Variants in LINGO2 observed in about 807,000 individuals in gnomAD.
LINGO2 encodes the protein leucine-rich repeat and immunoglobulin-like domain-containing nogo receptor-interacting protein 2.
LINGO2 carries 14 observed loss-of-function variants against 30.6 expected under a neutral mutation model. The ratio of observed to expected loss-of-function variants is 0.46; its 90% confidence interval spans 0.30 to 0.72. The LOEUF is 0.72. Among genes scored for constraint, LINGO2 ranks in the 30% least tolerant of loss-of-function variants. The probability of loss-of-function intolerance (pLI) is 0.07; values close to 1 mark genes in which losing one functional copy is unlikely to be tolerated. For synonymous variants in LINGO2, 317 were observed against 288.5 expected (o/e 1.10, Z -1.00); for missense variants, 729 against 751.7 (o/e 0.97, Z 0.35).
intron 5 of LINGO2, among the ~76,000 whole-genome samples, chr9:28,001,517 T>C (rs536326085): frequency 1.1e-3 from 157 of 144,516 alleles, no homozygotes; most frequent in Non-Finnish European, 1.9e-3. Flanking sequence ...CCCAATCTTC[T>C]GCGCCTGTGT....
At chr9:28,767,957 A>C in the LINGO2 span, among the ~76,000 whole-genome samples, 1 of 152,226 alleles carries the variant, frequency 6.6e-6, no homozygotes, top group African/African-American at 2.4e-5. Context: ...GGAGGCATAA[A>C]ATATTTAGTT....
At chr9:28,487,187 AT>A (rs1826204424) in intron 1 of LINGO2, among the ~76,000 whole-genome samples, 1 of 152,138 alleles carries the variant, frequency 6.6e-6, no homozygotes. Context: ...GCTTCTTTTC[AT>A]CCTCTGTACC....
intron 2 of LINGO2, among the ~76,000 whole-genome samples, chr9:28,412,969 A>G (rs1822827605): frequency 6.6e-6 from 1 of 152,080 alleles, no homozygotes; most frequent in Non-Finnish European, 1.5e-5. Flanking sequence ...AAGGGTAAAG[A>G]TCTTCATGAT....
chr9:28,493,681 T>C (rs1167329633), intron 1 of LINGO2, among the ~76,000 whole-genome samples: 2 of 152,192 alleles, frequency 1.3e-5, no homozygotes, highest in African/African-American at 4.8e-5. Context: ...ATTTTGTCCC[T>C]AGGTGTTGTC....
At chr9:28,973,228 G>A in the LINGO2 span, among the ~76,000 whole-genome samples, 7 of 152,028 alleles carry the variant, frequency 4.6e-5, no homozygotes, top group African/African-American at 1.7e-4. Context: ...CTACCTCAAG[G>A]CATTTAATAA....
chr9:28,033,974 G>A (rs1823808291), intron 4 of LINGO2, among the ~76,000 whole-genome samples: 1 of 152,170 alleles, frequency 6.6e-6, no homozygotes, highest in African/African-American at 2.4e-5. Flanking sequence ...TCTCTAAGAA[G>A]GGGCTGTTCA....
chr9:27,980,725 G>A (rs1252195961), intron 5 of LINGO2, among the ~76,000 whole-genome samples: 1 of 151,912 alleles, frequency 6.6e-6, no homozygotes, highest in Non-Finnish European at 1.5e-5. Context: ...GATTTCATAA[G>A]TGAGAGGTTG....
intron 3 of LINGO2, among the ~76,000 whole-genome samples, chr9:28,346,726 T>C (rs186249308): frequency 1.3e-5 from 2 of 152,310 alleles, no homozygotes; most frequent in Admixed American, 1.3e-4. Context: ...ATAGCCATTC[T>C]GACTGGTGTG....
intron 4 of LINGO2, among the ~76,000 whole-genome samples, chr9:28,158,918 A>T (rs1051181351): frequency 6.6e-6 from 1 of 152,234 alleles, no homozygotes; most frequent in Non-Finnish European, 1.5e-5. Flanking sequence ...TTTGAAAAAC[A>T]TGGCTTTATT....
At chr9:28,457,490 T>G (rs951727583) in intron 2 of LINGO2, among the ~76,000 whole-genome samples, 2 of 151,998 alleles carry the variant, frequency 1.3e-5, no homozygotes, top group African/African-American at 4.8e-5. Context: ...CATCGCTCAC[T>G]GCAGCCTCAA....
intron 3 of LINGO2, among the ~76,000 whole-genome samples, chr9:28,325,726 A>C (rs1401549979): frequency 6.6e-6 from 1 of 152,080 alleles, no homozygotes; most frequent in Non-Finnish European, 1.5e-5. Context: ...TGAGTCCATT[A>C]AACCTCTTTT....
the LINGO2 span, among the ~76,000 whole-genome samples, chr9:29,006,950 T>C: frequency 6.6e-6 from 1 of 152,100 alleles, no homozygotes; most frequent in Non-Finnish European, 1.5e-5. Flanking sequence ...TACTGTAGAT[T>C]AATGCTGAAC....
At chr9:29,177,433 TA>T in the LINGO2 span, among the ~76,000 whole-genome samples, 1 of 152,274 alleles carries the variant, frequency 6.6e-6, no homozygotes, top group Non-Finnish European at 1.5e-5. Context: ...GGTAGTTAAT[TA>T]AACTTCAGGA....
At chr9:28,809,876 C>T in the LINGO2 span, among the ~76,000 whole-genome samples, 3 of 151,968 alleles carry the variant, frequency 2.0e-5, no homozygotes, top group East Asian at 3.9e-4. Flanking sequence ...ATTTCAGTTC[C>T]GAAAACACTA....
chr9:28,417,505 G>C (rs932137289), intron 2 of LINGO2, among the ~76,000 whole-genome samples: 3 of 152,100 alleles, frequency 2.0e-5, no homozygotes, highest in African/African-American at 7.2e-5. Context: ...ATAATTATTA[G>C]GAGATAATTA....
intron 4 of LINGO2, among the ~76,000 whole-genome samples, chr9:28,025,311 G>C (rs980562515): frequency 6.6e-6 from 1 of 152,172 alleles, no homozygotes; most frequent in Non-Finnish European, 1.5e-5. Context: ...GATAATTTAT[G>C]TTGATTTGTT....
the LINGO2 span, among the ~76,000 whole-genome samples, chr9:28,998,001 G>A: frequency 1.3e-5 from 2 of 152,150 alleles, no homozygotes; most frequent in Admixed American, 6.6e-5. Flanking sequence ...AGAGAGTAAA[G>A]TAAAGATCAG....
intron 4 of LINGO2, among the ~76,000 whole-genome samples, chr9:28,193,758 C>T (rs1390835189): frequency 6.6e-6 from 1 of 152,184 alleles, no homozygotes; most frequent in African/African-American, 2.4e-5. Flanking sequence ...TTTGACAGTT[C>T]TGGTTCAGAG....
chr9:28,660,564 C>A lies in LINGO2; in HGVS notation c.-365+9636G>T, dbSNP rs570233328. On this transcript the variant is annotated intron_variant, in intron 1 of 5. Coordinates refer to ENST00000379992, the Ensembl canonical transcript of LINGO2. ...TAAACATATACTGGTAAAAATGTAG[C>A]CTAAAATCATAATAAAAAGCAAAAT... Among the ~76,000 whole-genome samples, 236 of 151,434 alleles carry A rather than the reference C, an allele frequency of 1.6e-3. 1 individual carries two copies. The highest frequency in any genetic ancestry group is 9.9e-3 in the East Asian group (51 of 5,146).
Sources: gnomAD v4.1 joint callset for allele counts (sites outside exome capture counted in the v4.1 genomes callset) on GRCh38, gnomAD v4.1.1 for gene constraint, MANE v1.5 for transcripts, NCBI Gene and HGNC (gene_info 2026-07-23, HGNC 2026-07-21) for gene names.